IPP: variants seen among roughly 807,000 people sequenced by gnomAD.
IPP encodes the protein actin-binding protein IPP.
In IPP, 41 loss-of-function variants were observed where a neutral mutation model predicts 64.1. The ratio of observed to expected loss-of-function variants is 0.64; its 90% CI spans 0.50 to 0.83. The LOEUF (loss-of-function observed/expected upper bound fraction) is 0.83. IPP is among the 40% of genes least tolerant of loss of function. The pLI, the probability that IPP is intolerant of heterozygous loss-of-function variation, is 0.00. For synonymous variants in IPP, 214 were observed against 235.2 expected (o/e 0.91, Z 0.83); for missense variants, 649 against 703.0 (o/e 0.92, Z 0.87).
chr1:45,737,054 A>AG (rs1402662944), intron 3 of IPP, among the ~76,000 whole-genome samples: 4 of 151,342 alleles, frequency 2.6e-5, no homozygotes, highest in African/African-American at 7.3e-5. Flanking sequence ...AAAAAAAAAA[A>AG]AAAAAAGAAA....
chr1:45,700,150 G>A lies in IPP; in HGVS notation c.1571C>T (p.Ala524Val), dbSNP rs1288300116. 39 of 1,613,592 alleles carry A rather than the reference G, an allele frequency of 2.4e-5. No homozygotes were observed. The highest frequency in any genetic ancestry group is 3.1e-5 in the Non-Finnish European group (37 of 1,179,932). The change falls in exon 9 of 9, where the codon GCA (alanine) becomes GTA (valine). Residue 524 changes from alanine to valine, a missense_variant. Physicochemically the swap from Ala to Val is moderately conservative, Grantham distance 64. Coordinates refer to ENST00000396478, the MANE Select transcript of IPP (RefSeq NM_005897.3). ...VEVASMKVPR[A>V]GMCVVAVNGL... is the part of the protein sequence containing the mutation. ...ATTGACTGCCACAACACACATGCCT[G>A]CTCTAGGCACTTTCATTGAGGCAAC...
chr1:45,744,549 AT>A (rs940877653), intron 2 of IPP, among the ~76,000 whole-genome samples: 1 of 150,666 alleles, frequency 6.6e-6, no homozygotes, highest in African/African-American at 2.5e-5. Flanking sequence ...ATTAAAAAAA[AT>A]TTTTTTTTGG....
intron 3 of IPP, among the ~76,000 whole-genome samples, chr1:45,736,076 G>A (rs972010042): frequency 8.8e-5 from 13 of 148,156 alleles, no homozygotes; most frequent in African/African-American, 2.0e-4. Context: ...ACACCACTGC[G>A]TTCTAGCTTC....
chr1:45,709,826 T>TAA lies in IPP; in HGVS notation c.1530+4418_1530+4419dup, dbSNP rs151099023. ...TGGCGAAAGAGAGCAAGACTCTGTC[T>TAA]AAAAAAAAAAAAAAAAAAAGAGAGA... is the stretch of plus-strand genomic sequence containing the variant. On this transcript the variant is annotated intron_variant, in intron 8 of 8. Coordinates refer to ENST00000396478, the MANE Select transcript of IPP (RefSeq NM_005897.3). Among the ~76,000 whole-genome samples, 57 of 6,684 alleles carry TAA rather than the reference T, an allele frequency of 8.5e-3. 1 individual carries two copies. The highest frequency in any genetic ancestry group is 0.017 in the South Asian group (5 of 302). 4.4% of individuals were successfully genotyped at this position (6,684 alleles called of 152,430 possible).
At position 45,729,656 on chromosome 1, in the gene IPP, C is replaced by T. The variant is rs1225471421; in HGVS notation, c.838G>A (p.Val280Ile). 2 of 1,613,436 alleles carry T rather than the reference C, an allele frequency of 1.2e-6. No homozygotes were observed. Among genetic ancestry groups the T allele is most frequent in the South Asian group, 1.1e-5 (1 of 91,006 alleles). Reference sequence around the variant, plus strand: ...TTTCTTGCTTTCTTCCGAGGTCGAACCTTAGATGTCTGCAGAAAACTACAA... The same window carrying T: ...TTTCTTGCTTTCTTCCGAGGTCGAATCTTAGATGTCTGCAGAAAACTACAA... ...KFCSFLQTSKVRPRKKARKYL... is the reference protein window; with the variant it reads ...KFCSFLQTSKIRPRKKARKYL... Residue 280 changes from valine (V) to isoleucine (I), a missense_variant, in exon 4 of 9, where the codon GTT becomes ATT. Transcript: ENST00000396478.
chr1:45,724,573 G>A (rs1174591652), intron 5 of IPP, among the ~76,000 whole-genome samples: 1 of 151,248 alleles, frequency 6.6e-6, no homozygotes, highest in African/African-American at 2.4e-5. Flanking sequence ...TAGGAAGTGA[G>A]GAGCGTCTCT....
intron 2 of IPP, among the ~76,000 whole-genome samples, chr1:45,742,203 A>G (rs1302274933): frequency 6.6e-6 from 1 of 152,224 alleles, no homozygotes; most frequent in Non-Finnish European, 1.5e-5. Context: ...ATGGATACAC[A>G]TTCGGGCCTA....
At chr1:45,738,839 C>CAA (rs752168393) in intron 3 of IPP, among the ~76,000 whole-genome samples, 602 of 7,568 alleles carry the variant, frequency 0.08, 34 homozygotes, top group African/African-American at 0.17. Flanking sequence ...GACTCCATCT[C>CAA]AAAAAAAAAA....
rs1645412860 is a variant in IPP, at chr1:45,698,876, G to A, written c.*1090C>T. ...TGGGACCACAGGTACAAGCCACAAC[G>A]CCCGGCTAATTTTTATATATTTTTT... On this transcript the variant is annotated 3_prime_UTR_variant, in exon 9 of 9. Transcript: ENST00000396478. The A allele has an allele frequency of 1.0e-5, 3 of 300,962 alleles. No individual in the cohort carries two copies. The highest frequency in any genetic ancestry group is 1.5e-5 in the Non-Finnish European group (3 of 204,732). 18.6% of individuals were successfully genotyped at this position (300,962 alleles called of 1,614,324 possible).
chr1:45,750,494 G>A (rs575239081), intron 1 of IPP, 103 bp downstream of exon 1: 2 of 152,554 alleles, frequency 1.3e-5, no homozygotes, highest in African/African-American at 4.8e-5. Context: ...CAGTTCTAGA[G>A]GCTTCTCTCA....
intron 3 of IPP, among the ~76,000 whole-genome samples, chr1:45,739,219 T>A (rs184932292): frequency 6.6e-6 from 1 of 152,294 alleles, no homozygotes; most frequent in East Asian, 1.9e-4. Flanking sequence ...AATAGCAACC[T>A]AATCTTTCAG....
intron 5 of IPP, among the ~76,000 whole-genome samples, chr1:45,723,509 T>C (rs1645761176): frequency 1.3e-5 from 2 of 152,156 alleles, no homozygotes; most frequent in Non-Finnish European, 2.9e-5. Context: ...AGAGTTCAAG[T>C]GATAAAACTA....
intron 7 of IPP, among the ~76,000 whole-genome samples, chr1:45,715,123 A>C (rs1195780649): frequency 6.7e-6 from 1 of 148,582 alleles, no homozygotes; most frequent in Non-Finnish European, 1.5e-5. Context: ...TGAGCGTGGG[A>C]GGCAGAGGTT....
intron 8 of IPP, among the ~76,000 whole-genome samples, chr1:45,700,401 CA>C (rs59287863): frequency 0.29 from 43,419 of 151,752 alleles, 6,323 homozygotes; most frequent in South Asian, 0.37. Flanking sequence ...GAATGCACAG[CA>C]ACGATCTCGG....
At chr1:45,744,372 T>C (rs185959841) in intron 2 of IPP, among the ~76,000 whole-genome samples, 1 of 152,230 alleles carries the variant, frequency 6.6e-6, no homozygotes, top group East Asian at 1.9e-4. Flanking sequence ...TACTCCCCTC[T>C]TCATCATTCC....
Position 45,736,710 on chromosome 1 carries a change from A to G in IPP, c.724+4191T>C, listed in dbSNP as rs1436252612. 4.6e-5 allele frequency among the ~76,000 whole-genome samples: 7 copies of G among 152,156 alleles called. No individual in the cohort carries two copies. The East Asian group carries it at 9.6e-4, about 21-fold the overall frequency. ...TTCGGGACTTGAATTAGACACTCTC[A>G]CTGTGTCTAATTTTAAATTATAAAT... On this transcript the variant is annotated intron_variant, in intron 3 of 8. Coordinates refer to ENST00000396478, the MANE Select transcript of IPP (RefSeq NM_005897.3).
chr1:45,694,937 G>A (rs144705737), downstream of IPP: 86 of 155,070 alleles, frequency 5.5e-4, no homozygotes, highest in East Asian at 0.013. Context: ...CTAGGCTGGA[G>A]TGCAGTGGCA....
At chr1:45,744,742 G>C (rs1646112286) in intron 2 of IPP, among the ~76,000 whole-genome samples, 1 of 151,834 alleles carries the variant, frequency 6.6e-6, no homozygotes, top group Non-Finnish European at 1.5e-5. Flanking sequence ...GGGAGGCTGA[G>C]GCAGGAGAAT....
chr1:45,709,552 A>G (rs1015553177), intron 8 of IPP, among the ~76,000 whole-genome samples: 6 of 151,632 alleles, frequency 4.0e-5, no homozygotes, highest in Non-Finnish European at 7.4e-5. Context: ...GTATTTATAA[A>G]AGACATTCTC....
Sources: allele counts gnomAD v4.1 joint callset (sites outside exome capture counted in the v4.1 genomes callset), GRCh38; gene constraint gnomAD v4.1.1; transcripts MANE v1.5; gene names NCBI Gene and HGNC (gene_info 2026-07-23, HGNC 2026-07-21).